Variants in NREP observed in about 807,000 individuals in gnomAD.
NREP encodes neuronal regeneration-related protein.
In NREP, 5 loss-of-function variants were observed where a neutral mutation model predicts 8.6. That is an observed-to-expected ratio of 0.58 (90% CI 0.30 to 1.22). The LOEUF (loss-of-function observed/expected upper bound fraction) is 1.22, where lower values mean the gene tolerates loss of function less well. NREP is among the 50% of genes most tolerant of loss of function. NREP has a pLI of 0.07. For missense variants in NREP, 86 were observed against 82.5 expected (o/e 1.04, Z -0.17); for synonymous variants, 27 against 28.0 (o/e 0.96, Z 0.11).
chr5:111,838,288 C>T (rs1752943695), intron 2 of NREP, among the ~76,000 whole-genome samples: 1 of 152,070 alleles, frequency 6.6e-6, no homozygotes, highest in Non-Finnish European at 1.5e-5. Flanking sequence ...AAGTACATTT[C>T]AAGTGTTCAA....
intron 2 of NREP, among the ~76,000 whole-genome samples, chr5:111,775,933 G>T (rs1235972440): frequency 6.6e-6 from 1 of 152,066 alleles, no homozygotes; most frequent in Non-Finnish European, 1.5e-5. Flanking sequence ...AAGTGCTTTT[G>T]CACTTATGAA....
At chr5:111,774,287 GAGA>G (rs1381145064) in intron 2 of NREP, among the ~76,000 whole-genome samples, 4 of 147,082 alleles carry the variant, frequency 2.7e-5, no homozygotes, top group East Asian at 1.9e-4. Flanking sequence ...GAAGAAGGGA[GAGA>G]AGAAGGGAAA....
intron 2 of NREP, among the ~76,000 whole-genome samples, chr5:111,954,445 T>C (rs1756253570): frequency 1.3e-5 from 2 of 152,164 alleles, no homozygotes; most frequent in South Asian, 2.1e-4. Context: ...AGTGATATGT[T>C]TTGGTTTGAT....
At chr5:111,745,060 A>T (rs377337366) in intron 2 of NREP, among the ~76,000 whole-genome samples, 3 of 152,142 alleles carry the variant, frequency 2.0e-5, no homozygotes, top group African/African-American at 7.2e-5. Context: ...AGAAATGCAT[A>T]GTACAATCCA....
At chr5:111,971,217 T>C (rs1436297150) in intron 2 of NREP, among the ~76,000 whole-genome samples, 2 of 152,248 alleles carry the variant, frequency 1.3e-5, no homozygotes, top group Non-Finnish European at 2.9e-5. Context: ...GATGATCTAC[T>C]TCTTTACACT....
chr5:111,884,789 A>C (rs1293056103), intron 2 of NREP, among the ~76,000 whole-genome samples: 1 of 152,202 alleles, frequency 6.6e-6, no homozygotes, highest in African/African-American at 2.4e-5. Flanking sequence ...TCGTGCTAAA[A>C]ACTCTCAATA....
intron 2 of NREP, among the ~76,000 whole-genome samples, chr5:111,799,323 T>A (rs1449082919): frequency 1.3e-5 from 2 of 152,210 alleles, no homozygotes; most frequent in Non-Finnish European, 2.9e-5. Context: ...GGCATTTTGA[T>A]GGGAATTGCA....
At chr5:111,785,917 G>C (rs996401941) in intron 2 of NREP, among the ~76,000 whole-genome samples, 1 of 152,078 alleles carries the variant, frequency 6.6e-6, no homozygotes, top group African/African-American at 2.4e-5. Context: ...GAGGGAAGAG[G>C]GTTGCAGAGA....
At chr5:111,835,858 G>A (rs1460611462) in intron 2 of NREP, among the ~76,000 whole-genome samples, 1 of 152,122 alleles carries the variant, frequency 6.6e-6, no homozygotes, top group African/African-American at 2.4e-5. Context: ...TTCTTGACCA[G>A]AAGGTGAGTA....
intron 2 of NREP, among the ~76,000 whole-genome samples, chr5:111,964,562 G>T (rs528375742): frequency 1.3e-5 from 2 of 152,010 alleles, no homozygotes; most frequent in South Asian, 2.1e-4. Context: ...TAGAGGTGGG[G>T]TTTGCCCATG....
rs577780289 is a variant in NREP at position 111,951,655 on chromosome 5, A to G, written c.135+23619T>C. On this transcript the variant is annotated intron_variant, in intron 2 of 3. Transcript: ENST00000395634. ...GCTCTATGAGTATTCAATTTTACCA[A>G]ATGTTTCTAAATATTCTCTAAAGTA... Among the ~76,000 whole-genome samples the G allele has an allele frequency of 3.9e-5, 6 of 152,194 alleles. No homozygotes were observed. The South Asian group carries it at 1.2e-3, about 32-fold the overall frequency.
At chr5:111,970,221 G>C (rs1034137267) in intron 2 of NREP, among the ~76,000 whole-genome samples, 1 of 150,962 alleles carries the variant, frequency 6.6e-6, no homozygotes, top group Non-Finnish European at 1.5e-5. Context: ...ACAATTTGTG[G>C]TTCTAATTTT....
upstream of NREP, among the ~76,000 whole-genome samples, chr5:111,762,648 C>T (rs569848054): frequency 3.3e-5 from 5 of 152,236 alleles, no homozygotes; most frequent in South Asian, 4.1e-4. Context: ...GAAGACCACA[C>T]GAAGATGTGG....
At chr5:111,878,664 A>T (rs73787708) in intron 2 of NREP, among the ~76,000 whole-genome samples, 21,611 of 152,160 alleles carry the variant, frequency 0.14, 3,010 homozygotes, top group African/African-American at 0.36. Context: ...AAGGCCTTAG[A>T]AAAGGCACTG....
chr5:111,846,126 C>G (rs1271164406), intron 2 of NREP: 1 of 154,368 alleles, frequency 6.5e-6, no homozygotes, highest in Non-Finnish European at 1.4e-5. Flanking sequence ...TAAAAAATTA[C>G]ACTTAAAAAA....
In NREP at chr5:111,949,993, G is replaced by A. The variant is rs374767481; in HGVS notation, c.135+25281C>T. On this transcript the variant is annotated intron_variant, in intron 2 of 3. Coordinates refer to the NREP transcript ENST00000395634. ...TGGTTATTTCTGGTTCTAGATCCTT[G>A]AGGAATTGCCATACTGTCTTCCACA... Among the ~76,000 whole-genome samples the A allele has an allele frequency of 1.7e-3, 262 of 152,146 alleles. 2 individuals carry two copies. Among genetic ancestry groups the A allele is most frequent in the African/African-American group, 5.7e-3 (238 of 41,532 alleles).
chr5:111,822,069 C>T (rs771920463), intron 2 of NREP, among the ~76,000 whole-genome samples: 21 of 152,116 alleles, frequency 1.4e-4, no homozygotes, highest in Non-Finnish European at 2.8e-4. Flanking sequence ...AATTTTGAAT[C>T]AGCAAGAGCT....
At chr5:111,867,717 A>T (rs1581175457) in intron 2 of NREP, among the ~76,000 whole-genome samples, 1 of 152,270 alleles carries the variant, frequency 6.6e-6, no homozygotes, top group East Asian at 1.9e-4. Flanking sequence ...GAATAAGAAA[A>T]CAAAACAGAA....
At chr5:111,944,312 T>C (rs1304992977) in intron 2 of NREP, among the ~76,000 whole-genome samples, 1 of 152,054 alleles carries the variant, frequency 6.6e-6, no homozygotes, top group East Asian at 1.9e-4. Flanking sequence ...TCTTCCTCCA[T>C]TTTTTTCTTT....
Sources: gnomAD v4.1 joint callset for allele counts (sites outside exome capture counted in the v4.1 genomes callset) on GRCh38, gnomAD v4.1.1 for gene constraint, MANE v1.5 for transcripts, NCBI Gene and HGNC (gene_info 2026-07-23, HGNC 2026-07-21) for gene names.